The following TBC1D5 variants were observed in gnomAD, a reference collection of about 807,000 sequenced individuals.
TBC1D5 encodes TBC1 domain family member 5.
Under a neutral mutation model 100.3 loss-of-function variants are expected in TBC1D5, and 75 were observed. The ratio of observed to expected loss-of-function variants is 0.75; its 90% CI spans 0.62 to 0.91. TBC1D5 has a LOEUF of 0.91. TBC1D5 is among the 40% of genes least tolerant of loss of function. The pLI, the probability that TBC1D5 is intolerant of heterozygous loss-of-function variation, is 0.00. For synonymous variants in TBC1D5, 323 were observed against 325.6 expected (o/e 0.99, Z 0.09); for missense variants, 910 against 942.4 (o/e 0.97, Z 0.45).
chr3:17,563,042 G>A (rs191986838), intron 2 of TBC1D5, among the ~76,000 whole-genome samples: 17 of 152,284 alleles, frequency 1.1e-4, no homozygotes, highest in Admixed American at 2.0e-4. Flanking sequence ...AAACAAATCC[G>A]TAAGTATATC....
intron 9 of TBC1D5, among the ~76,000 whole-genome samples, chr3:17,379,865 G>A (rs1421268726): frequency 2.0e-5 from 3 of 151,980 alleles, no homozygotes; most frequent in Admixed American, 2.0e-4. Context: ...AATATTATGT[G>A]ATTGTGGTTT....
chr3:17,485,878 A>G (rs1039398549), intron 3 of TBC1D5, among the ~76,000 whole-genome samples: 4 of 152,276 alleles, frequency 2.6e-5, no homozygotes, highest in Admixed American at 2.0e-4. Flanking sequence ...GGTTGGGTCA[A>G]ATGGTATTTC....
chr3:17,223,393 T>G (rs2074495223), intron 17 of TBC1D5, among the ~76,000 whole-genome samples: 1 of 152,192 alleles, frequency 6.6e-6, no homozygotes, highest in Non-Finnish European at 1.5e-5. Flanking sequence ...AAAATGCTTG[T>G]CCATGTATAT....
intron 14 of TBC1D5, 96 bp from the exon 15 acceptor site, chr3:17,292,097 G>C: frequency 9.7e-7 from 1 of 1,036,020 alleles, no homozygotes; most frequent in Admixed American, 2.5e-5. Context: ...GTCAATGAAA[G>C]CAAACCAATA....
intron 1 of TBC1D5, among the ~76,000 whole-genome samples, chr3:17,624,427 C>T (rs1237449662): frequency 6.6e-6 from 1 of 152,012 alleles, no homozygotes; most frequent in African/African-American, 2.4e-5. Context: ...TGATCACTAA[C>T]AATGCTGCGT....
intron 9 of TBC1D5, among the ~76,000 whole-genome samples, chr3:17,381,408 G>T (rs1333893002): frequency 6.6e-6 from 1 of 151,806 alleles, no homozygotes; most frequent in Non-Finnish European, 1.5e-5. Context: ...TTTACTACGG[G>T]GTATTTTCAA....
At chr3:17,589,153 T>C (rs971600543) in intron 2 of TBC1D5, among the ~76,000 whole-genome samples, 8 of 152,250 alleles carry the variant, frequency 5.3e-5, no homozygotes, top group East Asian at 3.8e-4. Flanking sequence ...TTTTAAGCTG[T>C]ATTGGGTAAT....
intron 1 of TBC1D5, among the ~76,000 whole-genome samples, chr3:17,666,622 T>C (rs1340492350): frequency 6.6e-6 from 1 of 152,192 alleles, no homozygotes; most frequent in Non-Finnish European, 1.5e-5. Flanking sequence ...CCATTACTTA[T>C]TAAGTAGGAC....
chr3:17,238,509 G>A (rs2076057018), intron 16 of TBC1D5, 90 bp from the exon 17 acceptor site: 4 of 1,426,470 alleles, frequency 2.8e-6, no homozygotes, highest in Admixed American at 2.5e-5. Context: ...CACCTTGTCT[G>A]CTTTGAAAAA....
intron 17 of TBC1D5, among the ~76,000 whole-genome samples, chr3:17,234,990 T>C (rs895623552): frequency 3.3e-5 from 5 of 152,210 alleles, no homozygotes; most frequent in African/African-American, 9.6e-5. Context: ...CAGATTTTCA[T>C]AGTATATGTA....
At chr3:17,540,340 T>C (rs929218919) in intron 2 of TBC1D5, among the ~76,000 whole-genome samples, 2 of 152,228 alleles carry the variant, frequency 1.3e-5, no homozygotes, top group Non-Finnish European at 1.5e-5. Context: ...AAAATTTTCA[T>C]GTAGTCCTCT....
intron 1 of TBC1D5, among the ~76,000 whole-genome samples, chr3:17,698,394 A>G (rs1023749710): frequency 4.0e-5 from 6 of 151,894 alleles, no homozygotes; most frequent in African/African-American, 1.5e-4. Flanking sequence ...AAATCAATTC[A>G]AGATGGATTA....
chr3:17,450,915 C>A (rs1361578444), intron 3 of TBC1D5, among the ~76,000 whole-genome samples: 2 of 152,124 alleles, frequency 1.3e-5, no homozygotes, highest in Non-Finnish European at 2.9e-5. Context: ...AGAAGAACAA[C>A]CCCAAGACAC....
intron 8 of TBC1D5, among the ~76,000 whole-genome samples, chr3:17,395,952 A>G (rs1386706937): frequency 2.0e-5 from 3 of 152,112 alleles, no homozygotes; most frequent in Non-Finnish European, 4.4e-5. Context: ...AATAGTAATT[A>G]TTTTGCTTTT....
At chr3:17,704,797 C>T (rs2073790317) in intron 1 of TBC1D5, among the ~76,000 whole-genome samples, 2 of 81,762 alleles carry the variant, frequency 2.4e-5, no homozygotes, top group African/African-American at 1.1e-4. Context: ...CCCTCACCTC[C>T]CAGACGGGGC....
At chr3:17,512,871 C>T (rs1443108759) in intron 2 of TBC1D5, among the ~76,000 whole-genome samples, 3 of 152,146 alleles carry the variant, frequency 2.0e-5, no homozygotes, top group African/African-American at 4.8e-5. Context: ...GTACTGGTTT[C>T]ACAAGTCTAG....
intron 15 of TBC1D5, 150 bp from the exon 16 acceptor site, chr3:17,258,741 T>C: frequency 2.0e-6 from 1 of 500,046 alleles, no homozygotes; most frequent in Non-Finnish European, 3.3e-6. Flanking sequence ...TTGCTTTTAT[T>C]AAATTATTCC....
intron 17 of TBC1D5, among the ~76,000 whole-genome samples, chr3:17,222,816 A>G (rs920455036): frequency 6.6e-6 from 1 of 151,354 alleles, no homozygotes; most frequent in African/African-American, 2.4e-5. Context: ...GTGATATTAT[A>G]CTCTACTTAT....
chr3:17,446,781 C>T (rs978723498), intron 3 of TBC1D5, among the ~76,000 whole-genome samples: 1 of 152,044 alleles, frequency 6.6e-6, no homozygotes, highest in Non-Finnish European at 1.5e-5. Flanking sequence ...ACCATCCTGG[C>T]GAACACGGTG....
Sources: gnomAD v4.1 joint callset for allele counts (sites outside exome capture counted in the v4.1 genomes callset) on GRCh38, gnomAD v4.1.1 for gene constraint, MANE v1.5 for transcripts, NCBI Gene and HGNC (gene_info 2026-07-23, HGNC 2026-07-21) for gene names.